MAGI1: variants seen among roughly 807,000 people sequenced by gnomAD.
MAGI1 encodes membrane associated guanylate kinase, WW and PDZ domain containing 1, also known as membrane-associated guanylate kinase, WW and PDZ domain-containing protein 1.
MAGI1 carries 58 observed loss-of-function variants against 139.9 expected under a neutral mutation model. The ratio of observed to expected loss-of-function variants is 0.41; its 90% CI spans 0.34 to 0.52. The LOEUF (loss-of-function observed/expected upper bound fraction) is 0.52. MAGI1 is among the 20% of genes least tolerant of loss of function. MAGI1 has a pLI of 0.12. For synonymous variants in MAGI1, 812 were observed against 737.9 expected (o/e 1.10, Z -1.63); for missense variants, 1,874 against 1,901.6 (o/e 0.99, Z 0.27).
chr3:65,996,616 C>T (rs1245853865), intron 1 of MAGI1, among the ~76,000 whole-genome samples: 1 of 150,866 alleles, frequency 6.6e-6, no homozygotes, highest in Non-Finnish European at 1.5e-5. Context: ...AAAATGAAGT[C>T]AGACTTCCGC....
chr3:65,528,928 T>G (rs568886545), intron 2 of MAGI1, among the ~76,000 whole-genome samples: 153 of 152,178 alleles, frequency 1.0e-3, no homozygotes, highest in Non-Finnish European at 1.9e-3. Flanking sequence ...ACATCTCTAG[T>G]CTCAGCTACT....
chr3:65,761,326 T>C (rs1015485868), intron 1 of MAGI1, among the ~76,000 whole-genome samples: 5 of 152,140 alleles, frequency 3.3e-5, no homozygotes, highest in African/African-American at 1.2e-4. Context: ...AAATGGAAGA[T>C]TCTTGTCCTG....
At chr3:65,645,682 A>G (rs988161077) in intron 1 of MAGI1, among the ~76,000 whole-genome samples, 6 of 152,160 alleles carry the variant, frequency 3.9e-5, no homozygotes, top group African/African-American at 7.2e-5. Flanking sequence ...TTGAAGCTCA[A>G]CTATCTCATG....
At chr3:65,479,249 G>T (rs562472844) in intron 3 of MAGI1, among the ~76,000 whole-genome samples, 1 of 152,156 alleles carries the variant, frequency 6.6e-6, no homozygotes, top group African/African-American at 2.4e-5. Flanking sequence ...CTCGTCAAGA[G>T]GGAACCAGGG....
chr3:65,378,858 T>A (rs986456730), intron 17 of MAGI1, among the ~76,000 whole-genome samples: 2 of 152,074 alleles, frequency 1.3e-5, no homozygotes, highest in Non-Finnish European at 2.9e-5. Context: ...CTTTTTGTAC[T>A]TTTAGTAGAG....
chr3:66,007,762 C>A (rs955208793), intron 1 of MAGI1, among the ~76,000 whole-genome samples: 5 of 151,592 alleles, frequency 3.3e-5, no homozygotes, highest in African/African-American at 4.8e-5. Context: ...AGCCCTAGTA[C>A]AGCAATAACC....
chr3:65,414,261 G>T (rs76799214), intron 12 of MAGI1, among the ~76,000 whole-genome samples: 1 of 152,158 alleles, frequency 6.6e-6, no homozygotes, highest in Non-Finnish European at 1.5e-5. Context: ...CACTAAAGGT[G>T]CTCGGTTCAC....
At chr3:65,530,644 T>C (rs1444896879) in intron 2 of MAGI1, among the ~76,000 whole-genome samples, 1 of 131,918 alleles carries the variant, frequency 7.6e-6, no homozygotes, top group Non-Finnish European at 1.5e-5. Context: ...TGTGTGTGTG[T>C]GTGTGTGTGT....
At chr3:65,670,025 C>T (rs1233120412) in intron 1 of MAGI1, among the ~76,000 whole-genome samples, 2 of 152,090 alleles carry the variant, frequency 1.3e-5, no homozygotes, top group Non-Finnish European at 2.9e-5. Flanking sequence ...TGAGCCATTG[C>T]CCCCATAAAC....
chr3:65,739,488 C>T (rs1383603084), intron 1 of MAGI1, among the ~76,000 whole-genome samples: 1 of 152,218 alleles, frequency 6.6e-6, no homozygotes, highest in Non-Finnish European at 1.5e-5. Context: ...CTTCCCTTTG[C>T]ATTCACAACT....
chr3:65,696,315 C>A (rs1210263858), intron 1 of MAGI1, among the ~76,000 whole-genome samples: 2 of 152,244 alleles, frequency 1.3e-5, no homozygotes, highest in African/African-American at 4.8e-5. Flanking sequence ...ATAACACCTA[C>A]CACTTGAGAT....
chr3:65,922,258 G>A (rs1449880917), intron 1 of MAGI1, among the ~76,000 whole-genome samples: 25 of 152,084 alleles, frequency 1.6e-4, no homozygotes, highest in East Asian at 5.8e-4. Flanking sequence ...CTGGTATACC[G>A]GGGTTGAATA....
chr3:65,546,995 G>C (rs920600005), intron 2 of MAGI1, among the ~76,000 whole-genome samples: 1 of 152,224 alleles, frequency 6.6e-6, no homozygotes, highest in Non-Finnish European at 1.5e-5. Flanking sequence ...GTACATGTAT[G>C]TAAGCTAACA....
chr3:65,821,504 T>C (rs910520878), intron 1 of MAGI1, among the ~76,000 whole-genome samples: 1 of 152,210 alleles, frequency 6.6e-6, no homozygotes, highest in African/African-American at 2.4e-5. Context: ...AACACCTGGA[T>C]ATTTCCTTGG....
intron 2 of MAGI1, among the ~76,000 whole-genome samples, chr3:65,592,671 A>G (rs1433326380): frequency 2.0e-5 from 3 of 152,220 alleles, no homozygotes; most frequent in African/African-American, 7.2e-5. Flanking sequence ...AGGGAAACAA[A>G]GGAACACACG....
intron 8 of MAGI1, among the ~76,000 whole-genome samples, chr3:65,441,719 G>A (rs570926049): frequency 3.9e-5 from 6 of 152,258 alleles, no homozygotes; most frequent in African/African-American, 1.4e-4. Context: ...AGGGTCAGAG[G>A]GGCAGCCAAG....
chr3:65,910,917 G>A (rs1036681021), intron 1 of MAGI1, among the ~76,000 whole-genome samples: 1 of 131,470 alleles, frequency 7.6e-6, no homozygotes, highest in Non-Finnish European at 1.5e-5. Context: ...GAGTGCAGTG[G>A]CATGATCTTG....
chr3:65,733,941 C>T (rs180958308), intron 1 of MAGI1, among the ~76,000 whole-genome samples: 19 of 152,208 alleles, frequency 1.2e-4, no homozygotes, highest in Admixed American at 2.6e-4. Context: ...TGTTTAACAC[C>T]GAAATTCCTG....
intron 4 of MAGI1, among the ~76,000 whole-genome samples, chr3:65,473,591 A>G (rs563578897): frequency 5.3e-5 from 8 of 149,796 alleles, no homozygotes; most frequent in African/African-American, 1.7e-4. Flanking sequence ...GTGCCACTAC[A>G]TATGAAATGA....
Sources: gnomAD v4.1 joint callset for allele counts (sites outside exome capture counted in the v4.1 genomes callset) on GRCh38, gnomAD v4.1.1 for gene constraint, MANE v1.5 for transcripts, NCBI Gene and HGNC (gene_info 2026-07-23, HGNC 2026-07-21) for gene names.